COL14A1: variants seen among roughly 807,000 people sequenced by gnomAD.
The protein encoded by COL14A1 is collagen type XIV alpha 1 chain.
A neutral mutation model predicts 230.3 loss-of-function variants in COL14A1; 136 were observed. The ratio of observed to expected loss-of-function variants is 0.59; its 90% CI spans 0.51 to 0.68. COL14A1 has a LOEUF of 0.68. COL14A1 is among the 30% of genes least tolerant of loss of function. COL14A1 has a pLI of 0.00. For synonymous variants in COL14A1, 792 were observed against 784.1 expected (o/e 1.01, Z -0.17); for missense variants, 1,976 against 2,215.8 (o/e 0.89, Z 2.17).
chr8:120,328,938 G>A (rs1185192311), intron 40 of COL14A1, among the ~76,000 whole-genome samples: 1 of 152,136 alleles, frequency 6.6e-6, no homozygotes, highest in Admixed American at 6.5e-5. Flanking sequence ...TGGTTGCTGG[G>A]CAGTTGTGTT....
chr8:120,331,916 C>G (rs1821882199), intron 40 of COL14A1, among the ~76,000 whole-genome samples: 1 of 152,178 alleles, frequency 6.6e-6, no homozygotes, highest in South Asian at 2.1e-4. Flanking sequence ...TTGTAAGTGG[C>G]ATTTCTTACG....
At chr8:120,293,497 T>C (rs938552978) in intron 34 of COL14A1, among the ~76,000 whole-genome samples, 7 of 151,852 alleles carry the variant, frequency 4.6e-5, no homozygotes, top group Non-Finnish European at 8.9e-5. Flanking sequence ...TTTAATCCTG[T>C]AATAATCCTT....
chr8:120,359,945 C>T (rs1357823056), intron 45 of COL14A1, among the ~76,000 whole-genome samples: 1 of 152,112 alleles, frequency 6.6e-6, no homozygotes, highest in African/African-American at 2.4e-5. Context: ...TACTGCACTT[C>T]CTCCCTCTCG....
intron 2 of COL14A1, among the ~76,000 whole-genome samples, chr8:120,151,860 G>A (rs761297456): frequency 2.6e-5 from 4 of 152,012 alleles, no homozygotes; most frequent in Non-Finnish European, 5.9e-5. Context: ...TTTTAAATAT[G>A]GAAGAGGGAG....
chr8:120,302,296 G>A (rs1820737528), intron 36 of COL14A1, among the ~76,000 whole-genome samples: 1 of 147,666 alleles, frequency 6.8e-6, no homozygotes, highest in Non-Finnish European at 1.5e-5. Flanking sequence ...TGTCTTCTTT[G>A]TCATGAAATC....
intron 6 of COL14A1, among the ~76,000 whole-genome samples, chr8:120,197,371 G>A (rs529064471): frequency 6.6e-6 from 1 of 151,828 alleles, no homozygotes; most frequent in Non-Finnish European, 1.5e-5. Context: ...GTAAATCTTT[G>A]AGCAATATTG....
At chr8:120,231,333 T>C in intron 18 of COL14A1, 134 bp from the exon 19 acceptor site, 1 of 906,458 alleles carries the variant, frequency 1.1e-6, no homozygotes, top group African/African-American at 1.7e-5. Context: ...GCTGAGCCCT[T>C]CTTGCCTCAT....
chr8:120,304,456 T>A (rs1426751557), intron 36 of COL14A1, among the ~76,000 whole-genome samples: 1 of 152,228 alleles, frequency 6.6e-6, no homozygotes, highest in African/African-American at 2.4e-5. Flanking sequence ...TTGTTCTCAT[T>A]AGTTTCAAAG....
chr8:120,265,911 C>T (rs917359363), intron 24 of COL14A1, among the ~76,000 whole-genome samples: 1 of 151,986 alleles, frequency 6.6e-6, no homozygotes, highest in African/African-American at 2.4e-5. Flanking sequence ...AAATTCTTGG[C>T]AAATAGTCAG....
intron 38 of COL14A1, among the ~76,000 whole-genome samples, chr8:120,314,387 G>A (rs1004113713): frequency 1.3e-5 from 2 of 152,044 alleles, no homozygotes; most frequent in Non-Finnish European, 2.9e-5. Context: ...TTTTAATTAT[G>A]TGTAGTAACT....
At chr8:120,135,085 A>G (rs1008320150) in intron 1 of COL14A1, among the ~76,000 whole-genome samples, 1 of 152,204 alleles carries the variant, frequency 6.6e-6, no homozygotes, top group African/African-American at 2.4e-5. Flanking sequence ...TAAATGAAAG[A>G]TGTGCAGTCA....
At chr8:120,303,799 T>G (rs1280459189) in intron 36 of COL14A1, among the ~76,000 whole-genome samples, 2 of 152,192 alleles carry the variant, frequency 1.3e-5, no homozygotes. Flanking sequence ...TTTGGAATAG[T>G]TTCAAAAGGA....
chr8:120,334,177 C>T (rs940029321), intron 42 of COL14A1, among the ~76,000 whole-genome samples: 1 of 152,166 alleles, frequency 6.6e-6, no homozygotes, highest in South Asian at 2.1e-4. Flanking sequence ...TCTTGAAACT[C>T]ATTTTAATAA....
rs765142824 is a variant in COL14A1 at position 120,283,726 on chromosome 8, T to C, written c.3915T>C (p.Leu1305=). 8 of 1,613,292 alleles carry C rather than the reference T, an allele frequency of 5.0e-6. No individual in the cohort carries two copies. In the South Asian group the frequency reaches 8.8e-5, roughly 18 times the overall value. ...LPDTPQEPFA[L]WEILNKNSDP... is the part of the protein sequence containing the mutation. ...ACACTCCACAGGAGCCATTTGCTCT[T>C]TGGGAGATTTTAAATAAAAATTCTG... Residue 1305 remains leucine, a synonymous_variant, in exon 32 of 48, where the codon CTT becomes CTC. Coordinates refer to ENST00000297848, the MANE Select transcript of COL14A1 (RefSeq NM_021110.4).
chr8:120,289,785 GA>G lies in COL14A1; in HGVS notation c.4236+21del. On this transcript the variant is annotated intron_variant, in intron 34 of 47. Coordinates refer to ENST00000297848, the MANE Select transcript of COL14A1 (RefSeq NM_021110.4). ...TGCACCGGTAAGTGAATAAACCCGT[GA>G]AGCTGTGTTATTGTTAAGGGAGAGA... The G allele has an allele frequency of 6.2e-7, 1 of 1,604,596 alleles. No individual in the cohort carries two copies. Among genetic ancestry groups the G allele is most frequent in the Non-Finnish European group, 8.5e-7 (1 of 1,175,494 alleles).
At chr8:120,150,124 A>G (rs968988150) in intron 2 of COL14A1, among the ~76,000 whole-genome samples, 1 of 152,196 alleles carries the variant, frequency 6.6e-6, no homozygotes, top group African/African-American at 2.4e-5. Context: ...CTAGGGAGAC[A>G]GGGCTGTAAG....
In COL14A1 at chr8:120,245,105, A is replaced by G. The variant is rs1010831; in HGVS notation, c.2479+1097A>G. The stretch of plus-strand genomic sequence containing the variant: ...TATGCTTTCCCAGATATTTGCATGT[A>G]AGAGTTTTTCTGGTCATCCGGGTCT... On this transcript the variant is annotated intron_variant, in intron 20 of 47. Coordinates refer to ENST00000297848, the MANE Select transcript of COL14A1 (RefSeq NM_021110.4). Among the ~76,000 whole-genome samples the G allele has an allele frequency of 2.5e-3, 379 of 152,124 alleles. 1 individual carries two copies. The highest frequency in any genetic ancestry group is 8.5e-3 in the African/African-American group (354 of 41,492).
chr8:120,357,564 T>G (rs902389214), intron 45 of COL14A1, among the ~76,000 whole-genome samples: 3 of 152,094 alleles, frequency 2.0e-5, no homozygotes, highest in Non-Finnish European at 4.4e-5. Flanking sequence ...GGCTGTACAC[T>G]TTGGAGGGAG....
Position 120,128,228 on chromosome 8 carries a change from C to T in COL14A1, c.-38+2888C>T, listed in dbSNP as rs62526989. On this transcript the variant is annotated intron_variant, in intron 1 of 47. Transcript: ENST00000297848. The stretch of plus-strand genomic sequence containing the variant: ...ACGTGTGTGTGTGTGTGTGCGCGCG[C>T]GTGTGTGTGTGTGTGTGTGTGTGTG... Among the ~76,000 whole-genome samples the T allele has an allele frequency of 9.5e-3, 1,396 of 146,776 alleles. 13 individuals are homozygous for T. The highest frequency in any genetic ancestry group is 0.014 in the South Asian group (62 of 4,540).
Sources: gnomAD v4.1 joint callset for allele counts (sites outside exome capture counted in the v4.1 genomes callset) on GRCh38, gnomAD v4.1.1 for gene constraint, MANE v1.5 for transcripts, NCBI Gene and HGNC (gene_info 2026-07-23, HGNC 2026-07-21) for gene names.